The following TNIP1 variants were observed in gnomAD, a reference collection of about 807,000 sequenced individuals.
The protein encoded by TNIP1 is TNFAIP3-interacting protein 1.
Under a neutral mutation model 86.6 loss-of-function variants are expected in TNIP1, and 22 were observed. The ratio of observed to expected loss-of-function variants is 0.25; its 90% CI spans 0.18 to 0.36. The LOEUF (loss-of-function observed/expected upper bound fraction) is 0.36, where lower values mean the gene tolerates loss of function less well. TNIP1 is among the 10% of genes least tolerant of loss of function. TNIP1 has a pLI of 1.00. For missense variants in TNIP1, 709 were observed against 820.6 expected, an observed-to-expected ratio of 0.86 and a Z score of 1.66; for synonymous variants, 294 against 313.0, an observed-to-expected ratio of 0.94 and a Z score of 0.64.
intron 13 of TNIP1, among the ~76,000 whole-genome samples, chr5:151,036,260 G>C (rs1173337268): frequency 6.6e-6 from 1 of 152,132 alleles, no homozygotes; most frequent in Non-Finnish European, 1.5e-5. Flanking sequence ...CAACCTTTTC[G>C]CTTTCTTTCA....
chr5:151,081,653 A>T (rs997755419), upstream of TNIP1, among the ~76,000 whole-genome samples: 13 of 152,214 alleles, frequency 8.5e-5, no homozygotes, highest in Admixed American at 8.5e-4. Context: ...TTTTCTTCGC[A>T]CAATCACGCT....
chr5:151,071,146 G>GGGC (rs1428357482), intron 1 of TNIP1, among the ~76,000 whole-genome samples: 1 of 152,130 alleles, frequency 6.6e-6, no homozygotes, highest in Non-Finnish European at 1.5e-5. Context: ...GGACCAGGCT[G>GGGC]GGCTCTCCTG....
intron 11 of TNIP1, among the ~76,000 whole-genome samples, chr5:151,041,314 G>A (rs980710061): frequency 3.3e-5 from 5 of 151,908 alleles, no homozygotes; most frequent in African/African-American, 9.7e-5. Flanking sequence ...CAAGTGATCC[G>A]CCCACCTTGG....
At position 151,071,306 on chromosome 5, in the gene TNIP1, A is replaced by C. The variant is rs77201037; in HGVS notation, c.-36-6175T>G. On this transcript the variant is annotated intron_variant, in intron 1 of 17. Transcript: ENST00000521591. ...CAACTGAGCAACAATGAGGCTGCAG[A>C]CACAGAGTCTCATATAGTAACAGCT... Among the ~76,000 whole-genome samples the C allele has an allele frequency of 5.5e-3, 830 of 152,244 alleles. 7 individuals carry two copies. Among genetic ancestry groups the C allele is most frequent in the African/African-American group, 0.019 (778 of 41,512 alleles).
In TNIP1 at chr5:151,035,714, T is replaced by C; in HGVS notation, c.1396-7A>G. 1.9e-6 allele frequency: 3 copies of C among 1,613,824 alleles called. No individual in the cohort carries two copies. The highest frequency in any genetic ancestry group is 1.3e-5 in the African/African-American group (1 of 75,006). On this transcript the variant is annotated splice_polypyrimidine_tract_variant and splice_region_variant and intron_variant, in intron 13 of 17. Transcript: ENST00000521591. Reference sequence around the variant, plus strand: ...CCTCCTCGAAGATCTTCACCTGGTGTGGAGGGAGGGTGAAGAGAGGGAGGG... The same window carrying C: ...CCTCCTCGAAGATCTTCACCTGGTGCGGAGGGAGGGTGAAGAGAGGGAGGG...
At chr5:151,051,358 C>T (rs550726218) in intron 7 of TNIP1, among the ~76,000 whole-genome samples, 1 of 152,232 alleles carries the variant, frequency 6.6e-6, no homozygotes, top group South Asian at 2.1e-4. Context: ...TCCTATGTGC[C>T]TGAGCCCAGC....
intron 1 of TNIP1, among the ~76,000 whole-genome samples, chr5:151,075,654 T>G (rs753509527): frequency 2.6e-5 from 4 of 152,252 alleles, no homozygotes; most frequent in Non-Finnish European, 5.9e-5. Context: ...ATGTTGCCAG[T>G]TTCCTGAGGA....
chr5:151,036,503 C>T (rs1757722720), intron 13 of TNIP1, among the ~76,000 whole-genome samples: 1 of 152,140 alleles, frequency 6.6e-6, no homozygotes, highest in Admixed American at 6.5e-5. Context: ...TGATATAAAG[C>T]TCCCTTTTAA....
At chr5:151,059,755 G>C (rs1035219629) in intron 5 of TNIP1, among the ~76,000 whole-genome samples, 2 of 145,710 alleles carry the variant, frequency 1.4e-5, no homozygotes, top group Non-Finnish European at 3.0e-5. Context: ...ATGCTGGGCA[G>C]ACGCTCCAGA....
intron 1 of TNIP1, among the ~76,000 whole-genome samples, chr5:151,075,952 G>A (rs1581926270): frequency 6.6e-6 from 1 of 152,158 alleles, no homozygotes; most frequent in East Asian, 1.9e-4. Flanking sequence ...ACACACCCCT[G>A]CCTGGGCTGC....
chr5:151,059,867 GCGCGCGCGC>G (rs1761300621), intron 5 of TNIP1, among the ~76,000 whole-genome samples: 1 of 35,604 alleles, frequency 2.8e-5, no homozygotes, highest in Non-Finnish European at 5.7e-5. Context: ...GTGTGTGTGT[GCGCGCGCGC>G]GCGCGCATGC....
At position 151,056,807 on chromosome 5, in the gene TNIP1, A is replaced by C. The variant is rs747389689; in HGVS notation, c.586T>G (p.Ser196Ala). The change falls in exon 6 of 18, where the codon TCC (serine) becomes GCC (alanine). Residue 196 changes from serine to alanine, a missense_variant. Coordinates refer to ENST00000521591, the MANE Select transcript of TNIP1 (RefSeq NM_006058.5). Reference protein sequence around the residue: ...RMALEFNRLASKVHKNEQRTS... With the variant: ...RMALEFNRLAAKVHKNEQRTS... ...CGCTGCTCATTCTTGTGCACCTTGG[A>C]TGCCAGTCGGTTGAACTCCAGGGCC... 1 of 1,576,092 alleles carries C rather than the reference A, an allele frequency of 6.3e-7. No homozygotes were observed. The highest frequency in any genetic ancestry group is 1.9e-5 in the Admixed American group (1 of 53,920).
At chr5:151,042,999 A>AG (rs1561824294) in intron 9 of TNIP1, 38 bp from the exon 10 acceptor site, 2 of 1,609,740 alleles carry the variant, frequency 1.2e-6, no homozygotes, top group African/African-American at 2.7e-5. Flanking sequence ...AGATGAGCAG[A>AG]GAAGGAACAA....
upstream of TNIP1, among the ~76,000 whole-genome samples, chr5:151,084,955 A>T (rs192619599): frequency 1.2e-4 from 19 of 152,372 alleles, no homozygotes; most frequent in Admixed American, 9.8e-4. Flanking sequence ...TTTGGTAAAA[A>T]GTAAATAAAT....
chr5:151,035,305 C>A (rs1757553227), intron 14 of TNIP1, among the ~76,000 whole-genome samples: 1 of 152,232 alleles, frequency 6.6e-6, no homozygotes, highest in African/African-American at 2.4e-5. Flanking sequence ...GTGAACCTCG[C>A]TGCTTCTCTG....
At chr5:151,087,568 C>T (rs1764320731), upstream of TNIP1, 1 of 152,316 alleles carries the variant, frequency 6.6e-6, no homozygotes. Context: ...AGCCCACATC[C>T]TCCCACCCCG....
chr5:151,042,945 T>C lies in TNIP1; in HGVS notation c.953A>G (p.Lys318Arg). 1 of 1,614,206 alleles carries C rather than the reference T, an allele frequency of 6.2e-7. No homozygotes were observed. Among genetic ancestry groups the C allele is most frequent in the African/African-American group, 1.3e-5 (1 of 75,062 alleles). The change falls in exon 10 of 18, where the codon AAG (lysine) becomes AGG (arginine). Residue 318 changes from lysine to arginine, a missense_variant. Physicochemically the swap from Lys to Arg is conservative, Grantham distance 26. Coordinates refer to ENST00000521591, the MANE Select transcript of TNIP1 (RefSeq NM_006058.5). Reference sequence around the variant, plus strand: ...GGACCGGAAATGCTGGTCCCACTGCTTGTTCACTTCCAGCAGCTGTGGGGA... The same window carrying C: ...GGACCGGAAATGCTGGTCCCACTGCCTGTTCACTTCCAGCAGCTGTGGGGA... Reference protein sequence around the residue: ...QQRSELLEVNKQWDQHFRSMK... With the variant: ...QQRSELLEVNRQWDQHFRSMK...
chr5:151,047,045 A>G (rs1759267585), intron 8 of TNIP1, among the ~76,000 whole-genome samples: 1 of 152,260 alleles, frequency 6.6e-6, no homozygotes, highest in East Asian at 1.9e-4. Context: ...GAGTATTTGC[A>G]TAGTCTCTAA....
At chr5:151,081,540 A>G (rs781092157), upstream of TNIP1, among the ~76,000 whole-genome samples, 2 of 152,250 alleles carry the variant, frequency 1.3e-5, no homozygotes, top group Non-Finnish European at 2.9e-5. Flanking sequence ...GAAAAGACCC[A>G]TAAAGACTCT....
Sources: gnomAD v4.1 joint callset for allele counts (sites outside exome capture counted in the v4.1 genomes callset) on GRCh38, gnomAD v4.1.1 for gene constraint, MANE v1.5 for transcripts, NCBI Gene and HGNC (gene_info 2026-07-23, HGNC 2026-07-21) for gene names.